The following NRXN1 variants were observed in gnomAD, a reference collection of about 807,000 sequenced individuals.
NRXN1 encodes the protein neurexin 1, also known as neurexin-1.
A neutral mutation model predicts 150.9 loss-of-function variants in NRXN1; 39 were observed. The ratio of observed to expected loss-of-function variants is 0.26; its 90% CI spans 0.20 to 0.34. The LOEUF (loss-of-function observed/expected upper bound fraction) is 0.34, where lower values mean the gene tolerates loss of function less well. Among genes scored for constraint, NRXN1 ranks in the 10% least tolerant of loss-of-function variants. The probability of loss-of-function intolerance (pLI) is 1.00; values close to 1 mark genes in which losing one functional copy is unlikely to be tolerated. For missense variants in NRXN1, 1,815 were observed against 1,949.9 expected, an observed-to-expected ratio of 0.93 and a Z score of 1.30; for synonymous variants, 924 against 757.0, an observed-to-expected ratio of 1.22 and a Z score of -3.62.
chr2:49,931,571 G>A (rs775702267), intron 22 of NRXN1, among the ~76,000 whole-genome samples: 1 of 151,790 alleles, frequency 6.6e-6, no homozygotes, highest in South Asian at 2.1e-4. Context: ...TTTCAGTCCT[G>A]TTGCTATTGG....
chr2:50,885,953 A>C (rs188251862), intron 5 of NRXN1, among the ~76,000 whole-genome samples: 3 of 151,482 alleles, frequency 2.0e-5, no homozygotes, highest in Non-Finnish European at 4.4e-5. Context: ...AATAAAATAC[A>C]AAATAAAATA....
intron 19 of NRXN1, among the ~76,000 whole-genome samples, chr2:50,070,130 G>A (rs937168253): frequency 2.0e-5 from 3 of 152,142 alleles, no homozygotes; most frequent in South Asian, 4.1e-4. Context: ...GATTACAGGT[G>A]TGAGCCACTG....
At chr2:50,483,959 A>T (rs928058416) in intron 15 of NRXN1, among the ~76,000 whole-genome samples, 3 of 152,220 alleles carry the variant, frequency 2.0e-5, no homozygotes, top group African/African-American at 7.2e-5. Context: ...TCTTATTTCA[A>T]AACAAACGAA....
intron 2 of NRXN1, among the ~76,000 whole-genome samples, chr2:50,941,858 T>C (rs1028992564): frequency 1.3e-5 from 2 of 152,054 alleles, no homozygotes; most frequent in African/African-American, 4.8e-5. Flanking sequence ...GCTGCAGAAA[T>C]TTGCATAACT....
intron 8 of NRXN1, among the ~76,000 whole-genome samples, chr2:50,582,706 T>A (rs373339310): frequency 4.6e-5 from 7 of 151,536 alleles, no homozygotes; most frequent in African/African-American, 1.5e-4. Context: ...TATATTTAGG[T>A]TTGTGTTTAT....
At chr2:50,872,587 A>G (rs766597463) in intron 5 of NRXN1, among the ~76,000 whole-genome samples, 1 of 151,734 alleles carries the variant, frequency 6.6e-6, no homozygotes, top group Non-Finnish European at 1.5e-5. Flanking sequence ...CCTTTAGGCC[A>G]GGGCTCAAGA....
chr2:50,836,955 C>A (rs1672206945), intron 5 of NRXN1, among the ~76,000 whole-genome samples: 1 of 150,312 alleles, frequency 6.7e-6, no homozygotes, highest in African/African-American at 2.5e-5. Flanking sequence ...TCACTTAGAA[C>A]AATATTTTAA....
chr2:50,944,707 A>T (rs1690048448), intron 2 of NRXN1, among the ~76,000 whole-genome samples: 1 of 152,168 alleles, frequency 6.6e-6, no homozygotes. Context: ...ATAATTAGGA[A>T]ATTCATGAGT....
At chr2:50,795,040 T>G (rs1182827075) in intron 5 of NRXN1, among the ~76,000 whole-genome samples, 1 of 152,136 alleles carries the variant, frequency 6.6e-6, no homozygotes, top group Non-Finnish European at 1.5e-5. Context: ...CCTACCTATC[T>G]CTGTGCATTA....
intron 19 of NRXN1, among the ~76,000 whole-genome samples, chr2:50,087,376 C>T (rs1311393163): frequency 1.3e-5 from 2 of 152,028 alleles, no homozygotes; most frequent in South Asian, 2.1e-4. Context: ...AATCTTTTGA[C>T]ACACTGTGAT....
chr2:50,567,199 A>C (rs1287864399), intron 8 of NRXN1, among the ~76,000 whole-genome samples: 1 of 152,190 alleles, frequency 6.6e-6, no homozygotes, highest in Non-Finnish European at 1.5e-5. Flanking sequence ...AGAATTCTTT[A>C]AGATTTTCTA....
At chr2:50,413,564 C>T (rs552565589) in intron 17 of NRXN1, among the ~76,000 whole-genome samples, 182 of 152,246 alleles carry the variant, frequency 1.2e-3, no homozygotes, top group African/African-American at 4.2e-3. Context: ...GAAAAGGGAA[C>T]CCTTGTACAC....
intron 21 of NRXN1, among the ~76,000 whole-genome samples, chr2:49,992,252 C>G (rs994022960): frequency 3.3e-5 from 5 of 151,800 alleles, no homozygotes; most frequent in African/African-American, 1.2e-4. Context: ...AAAGAAAAAA[C>G]TTTTGGACCG....
At chr2:50,661,141 T>C (rs956585169) in intron 5 of NRXN1, among the ~76,000 whole-genome samples, 3 of 151,992 alleles carry the variant, frequency 2.0e-5, no homozygotes, top group Admixed American at 2.0e-4. Context: ...AGAAAGAAAC[T>C]GAGTTTCAGA....
intron 5 of NRXN1, among the ~76,000 whole-genome samples, chr2:50,668,507 A>G (rs1688386009): frequency 6.6e-6 from 1 of 152,070 alleles, no homozygotes; most frequent in Admixed American, 6.6e-5. Flanking sequence ...GGGATTTAAG[A>G]AGAAATACTG....
chr2:50,895,154 T>C (rs1414029553), intron 5 of NRXN1, among the ~76,000 whole-genome samples: 2 of 152,134 alleles, frequency 1.3e-5, no homozygotes, highest in African/African-American at 4.8e-5. Context: ...CTTAGAACCT[T>C]CAGTACATCT....
rs116594741 is a variant in NRXN1 at position 50,758,441 on chromosome 2, A to T, written c.833-134826T>A. 6.2e-3 allele frequency among the ~76,000 whole-genome samples: 949 copies of T among 152,002 alleles called. 13 individuals are homozygous for T. Among genetic ancestry groups the T allele is most frequent in the African/African-American group, 0.021 (882 of 41,510 alleles). On this transcript the variant is annotated intron_variant, in intron 5 of 22. Coordinates refer to ENST00000401669, the MANE Select transcript of NRXN1 (RefSeq NM_001330078.2). ...AAAGAACAAGAAACAAAGGCTGATTATATCTTCCTTCTTATAAGCTATTTA... is the reference window on the plus strand; with the variant it reads ...AAAGAACAAGAAACAAAGGCTGATTTTATCTTCCTTCTTATAAGCTATTTA...
chr2:50,126,684 C>T (rs1704634009), intron 18 of NRXN1, among the ~76,000 whole-genome samples: 2 of 151,838 alleles, frequency 1.3e-5, no homozygotes, highest in African/African-American at 4.8e-5. Flanking sequence ...TTCAAGAGAA[C>T]ATCTCATTAA....
chr2:49,980,281 C>A (rs1679779284), intron 21 of NRXN1, among the ~76,000 whole-genome samples: 1 of 152,142 alleles, frequency 6.6e-6, no homozygotes. Context: ...CTGATTCCTA[C>A]TCTAACTCAG....
Sources: allele counts gnomAD v4.1 joint callset (sites outside exome capture counted in the v4.1 genomes callset), GRCh38; gene constraint gnomAD v4.1.1; transcripts MANE v1.5; gene names NCBI Gene and HGNC (gene_info 2026-07-23, HGNC 2026-07-21).